Variants in DGLUCY observed in about 807,000 individuals in gnomAD.
The protein encoded by DGLUCY is D-glutamate cyclase, mitochondrial.
DGLUCY carries 58 observed loss-of-function variants against 58.5 expected under a neutral mutation model. The ratio of observed to expected loss-of-function variants is 0.99; its 90% CI spans 0.80 to 1.23. The LOEUF (loss-of-function observed/expected upper bound fraction) is 1.23. Among genes scored for constraint, DGLUCY ranks in the 50% most tolerant of loss-of-function variants. DGLUCY has a pLI of 0.00. For synonymous variants in DGLUCY, 325 were observed against 314.1 expected, an observed-to-expected ratio of 1.03 and a Z score of -0.37; for missense variants, 779 against 784.7, an observed-to-expected ratio of 0.99 and a Z score of 0.09.
intron 1 of DGLUCY, among the ~76,000 whole-genome samples, chr14:91,080,356 C>T (rs955337372): frequency 6.6e-6 from 1 of 152,104 alleles, no homozygotes; most frequent in Non-Finnish European, 1.5e-5. Context: ...TAACTTTTTG[C>T]GGAAACTGAC....
At chr14:91,208,251 G>A (rs545235578) in intron 12 of DGLUCY, among the ~76,000 whole-genome samples, 2 of 152,278 alleles carry the variant, frequency 1.3e-5, no homozygotes. Flanking sequence ...AATTATATCT[G>A]TCAGAGACTT....
chr14:91,094,590 C>A (rs922377005), intron 1 of DGLUCY, among the ~76,000 whole-genome samples: 1 of 151,740 alleles, frequency 6.6e-6, no homozygotes, highest in East Asian at 2.0e-4. Flanking sequence ...CCTATAATCC[C>A]AGCACTTTGG....
chr14:91,192,697 G>A (rs986279505), intron 9 of DGLUCY, among the ~76,000 whole-genome samples: 6 of 152,162 alleles, frequency 3.9e-5, no homozygotes, highest in Non-Finnish European at 7.4e-5. Context: ...CCAGCTACCT[G>A]GAAGGCTGAG....
chr14:91,076,088 G>A (rs2044016128), intron 1 of DGLUCY, among the ~76,000 whole-genome samples: 1 of 151,718 alleles, frequency 6.6e-6, no homozygotes, highest in African/African-American at 2.4e-5. Flanking sequence ...ACTCCAGCCT[G>A]GGTGACAGAG....
At chr14:91,139,920 G>A (rs187340447) in intron 1 of DGLUCY, among the ~76,000 whole-genome samples, 1 of 152,352 alleles carries the variant, frequency 6.6e-6, no homozygotes, top group Non-Finnish European at 1.5e-5. Context: ...GGAGGGGGAA[G>A]AGGGAGGCTG....
chr14:91,060,357 G>A (rs781535016), exon 1 of DGLUCY: 7 of 1,481,002 alleles, frequency 4.7e-6, no homozygotes, highest in Non-Finnish European at 6.3e-6. Context: ...GCTTGACAGT[G>A]AGGAGCTGCT....
intron 13 of DGLUCY, among the ~76,000 whole-genome samples, chr14:91,219,333 G>A (rs1204790585): frequency 6.6e-6 from 1 of 152,214 alleles, no homozygotes; most frequent in African/African-American, 2.4e-5. Context: ...GCCAGGTAAG[G>A]AAGGGTGGAA....
chr14:91,204,592 G>C (rs1260878551), intron 11 of DGLUCY, 114 bp from the exon 12 acceptor site: 2 of 1,400,828 alleles, frequency 1.4e-6, no homozygotes, highest in Admixed American at 4.5e-5. Context: ...AATATATCCA[G>C]AGCCAACCTT....
At chr14:91,139,791 CTCAA>C (rs1177312766) in intron 1 of DGLUCY, among the ~76,000 whole-genome samples, 1 of 152,208 alleles carries the variant, frequency 6.6e-6, no homozygotes, top group Non-Finnish European at 1.5e-5. Flanking sequence ...TGAGACAGTT[CTCAA>C]TCAATTTAGA....
At chr14:91,068,199 G>C (rs1390552014) in intron 1 of DGLUCY, among the ~76,000 whole-genome samples, 1 of 152,076 alleles carries the variant, frequency 6.6e-6, no homozygotes, top group Non-Finnish European at 1.5e-5. Context: ...TGATGCACCA[G>C]ATACTACCTT....
At chr14:91,204,973 C>G in intron 12 of DGLUCY, 148 bp downstream of exon 12, 2 of 1,046,340 alleles carry the variant, frequency 1.9e-6, no homozygotes, top group Non-Finnish European at 2.7e-6. Context: ...AGCCTATGAC[C>G]TTTCATTCAG....
chr14:91,177,001 C>CTCTT (rs1284727363), intron 7 of DGLUCY, among the ~76,000 whole-genome samples: 7 of 149,226 alleles, frequency 4.7e-5, no homozygotes, highest in Non-Finnish European at 8.9e-5. Context: ...TTCTTTCTTT[C>CTCTT]TCTTTCTTTC....
At chr14:91,187,320 C>T (rs1302368809) in intron 8 of DGLUCY, among the ~76,000 whole-genome samples, 4 of 152,180 alleles carry the variant, frequency 2.6e-5, no homozygotes, top group Non-Finnish European at 5.9e-5. Context: ...TTCATATTCT[C>T]CAGGCACCTC....
chr14:91,147,531 G>A (rs1216176714), intron 1 of DGLUCY, among the ~76,000 whole-genome samples: 1 of 152,130 alleles, frequency 6.6e-6, no homozygotes, highest in Non-Finnish European at 1.5e-5. Context: ...AACCATCTCT[G>A]CAAGGCTGTT....
chr14:91,111,763 G>T (rs1473247522), upstream of DGLUCY, among the ~76,000 whole-genome samples: 1 of 152,140 alleles, frequency 6.6e-6, no homozygotes, highest in Non-Finnish European at 1.5e-5. Context: ...CATGAATTTT[G>T]GAGGAATACA....
intron 1 of DGLUCY, among the ~76,000 whole-genome samples, chr14:91,102,100 A>G (rs1292659858): frequency 6.6e-6 from 1 of 152,186 alleles, no homozygotes; most frequent in Non-Finnish European, 1.5e-5. Context: ...TGATTTGACT[A>G]TATGAATGTA....
rs558892923 is a variant in DGLUCY, at chr14:91,142,840, AACACACACAC to A, written c.-81-14766_-81-14757del. Among the ~76,000 whole-genome samples, 646 of 124,298 alleles carry A rather than the reference AACACACACAC, an allele frequency of 5.2e-3. 4 individuals carry two copies. Among genetic ancestry groups the A allele is most frequent in the Middle Eastern group, 0.012 (3 of 244 alleles). The allele number at this position is 124,298 out of a possible 152,430, so 81.5% of individuals were successfully genotyped here. On this transcript the variant is annotated intron_variant, in intron 1 of 13. Transcript: ENST00000256324. ...CACACACAACACACCATCTCTACTA[AACACACACAC>A]ACACACACACACACACACACACACA...
rs143538704 is a variant in DGLUCY at position 91,199,556 on chromosome 14, A to G, written c.1296-201A>G. Among the ~76,000 whole-genome samples the G allele has an allele frequency of 6.4e-3, 968 of 152,192 alleles. 10 individuals are homozygous for G. The highest frequency in any genetic ancestry group is 0.022 in the African/African-American group (908 of 41,520). On this transcript the variant is annotated intron_variant, in intron 10 of 13. Transcript: ENST00000256324. ...GCATGAACCACCATGCCCAGCCCCA[A>G]TGCTATATCTTAAACTGACTTAATA...
intron 6 of DGLUCY, chr14:91,175,731 C>CTT: frequency 2.1e-6 from 1 of 486,310 alleles, no homozygotes; most frequent in Non-Finnish European, 3.7e-6. Context: ...CTGAAACCAC[C>CTT]ATGCCACATG....
Sources: allele counts gnomAD v4.1 joint callset (sites outside exome capture counted in the v4.1 genomes callset), GRCh38; gene constraint gnomAD v4.1.1; transcripts MANE v1.5; gene names NCBI Gene and HGNC (gene_info 2026-07-23, HGNC 2026-07-21).